The following CBX8 variants were observed in gnomAD, a reference collection of about 807,000 sequenced individuals.
CBX8 encodes the protein chromobox protein homolog 8.
A neutral mutation model predicts 39.7 loss-of-function variants in CBX8; 8 were observed. That is an observed-to-expected ratio of 0.20 (90% CI 0.12 to 0.36). The LOEUF (loss-of-function observed/expected upper bound fraction) is 0.36. CBX8 is among the 10% of genes least tolerant of loss of function. The pLI, the probability that CBX8 is intolerant of heterozygous loss-of-function variation, is 1.00. For synonymous variants in CBX8, 268 were observed against 219.8 expected, an observed-to-expected ratio of 1.22 and a Z score of -1.94; for missense variants, 505 against 529.6, an observed-to-expected ratio of 0.95 and a Z score of 0.46.
Position 79,796,960 on chromosome 17 carries a change from G to A in CBX8, c.39C>T (p.Ala13=), listed in dbSNP as rs1250467249. The A allele has an allele frequency of 2.5e-6, 4 of 1,610,940 alleles. No homozygotes were observed. Among genetic ancestry groups the A allele is most frequent in the Non-Finnish European group, 3.4e-6 (4 of 1,179,046 alleles). Residue 13 remains alanine (A), a synonymous_variant, in exon 1 of 5, where the codon GCC becomes GCT. Transcript: ENST00000269385. ...GTATGCGCCGCTTCAGGAGGGCTTCGGCCGCGAACACCCGCTCCCCCACCG... is the reference window on the plus strand; with the variant it reads ...GTATGCGCCGCTTCAGGAGGGCTTCAGCCGCGAACACCCGCTCCCCCACCG... ...LSAVGERVFA[A]EALLKRRIRK...
intron 1 of CBX8, 67 bp downstream of exon 1, chr17:79,796,863 G>C: frequency 1.4e-6 from 2 of 1,448,076 alleles, no homozygotes; most frequent in South Asian, 1.2e-5. Flanking sequence ...CTGCAGCAGG[G>C]GGAGGGAACC....
rs1197801603 is a variant in CBX8 at position 79,795,444 on chromosome 17, G to A, written c.361C>T (p.Arg121Trp). ...PQDLASTSRA[R>W]EGLRNMGLSP... is the part of the protein sequence containing the mutation. ...AAACCCATGTTTCGAAGGCCCTCCC[G>A]GGCCCGGGAAGTGGAGGCCAGGTCC... Residue 121 changes from arginine (R) to tryptophan (W), a missense_variant, in exon 5 of 5, where the codon CGG (arginine) becomes TGG (tryptophan). This residue lies in a region of CBX8 where 456 missense variants were observed against 389.2 expected (regional missense o/e 1.17). Coordinates refer to ENST00000269385, the MANE Select transcript of CBX8 (RefSeq NM_020649.3). The surrounding 1 kb of genome is among the most constrained non-coding windows in gnomAD (Gnocchi z 5.8). The A allele has an allele frequency of 5.6e-6, 9 of 1,606,046 alleles. No homozygotes were observed. The highest frequency in any genetic ancestry group is 2.2e-5 in the East Asian group (1 of 44,720).
At position 79,794,392 on chromosome 17, in the gene CBX8, A is replaced by C; in HGVS notation, c.*243T>G. ...ATAAAACAACTTCGAGTTGAAATAT[A>C]TATATTTAGATATTTTTCTTAAATA... On this transcript the variant is annotated 3_prime_UTR_variant, in exon 5 of 5. Transcript: ENST00000269385. 4.0e-6 allele frequency: 1 copy of C among 252,498 alleles called. No homozygotes were observed. The highest frequency in any genetic ancestry group is 7.5e-6 in the Non-Finnish European group (1 of 133,544). The allele number at this position is 252,498 out of a possible 1,614,324, so 15.6% of individuals were successfully genotyped here.
rs1262469145 is a variant in CBX8, at chr17:79,796,547, G to A, written c.70-7C>T. ...CGAGGTATTCCATGCGTCCCTGCGG[G>A]TGCAAAGGCGATAATGTGTGTGCAT... On this transcript the variant is annotated splice_polypyrimidine_tract_variant and splice_region_variant and intron_variant, in intron 1 of 4. Transcript: ENST00000269385. The A allele has an allele frequency of 5.0e-6, 8 of 1,613,984 alleles. No individual in the cohort carries two copies. The highest frequency in any genetic ancestry group is 1.3e-5 in the African/African-American group (1 of 74,900).
Position 79,795,233 on chromosome 17 carries a change from G to A in CBX8, c.572C>T (p.Ser191Leu), listed in dbSNP as rs1246808506. The A allele has an allele frequency of 1.2e-6, 2 of 1,612,748 alleles. No homozygotes were observed. Among genetic ancestry groups the A allele is most frequent in the African/African-American group, 1.3e-5 (1 of 74,930 alleles). ...GTSRVDDKPS[S>L]PGDSSKKRGP... ...TCGCTTCTTCGAGCTGTCCCCCGGTGAGCTGGGCTTGTCATCCACTCTGCT... is the reference window on the plus strand; with the variant it reads ...TCGCTTCTTCGAGCTGTCCCCCGGTAAGCTGGGCTTGTCATCCACTCTGCT... Residue 191 changes from serine (S) to leucine (L), a missense_variant, in exon 5 of 5, where the codon TCA becomes TTA. Ser to Leu is a moderately radical substitution (Grantham distance 145). This residue lies in a region of CBX8 where 456 missense variants were observed against 389.2 expected (regional missense o/e 1.17). Coordinates refer to ENST00000269385, the MANE Select transcript of CBX8 (RefSeq NM_020649.3). This position sits in a 1 kb window ranked among gnomAD's most constrained non-coding sequence, Gnocchi z 5.8.
chr17:79,795,340 A>G lies in CBX8; in HGVS notation c.465T>C (p.Asp155=), dbSNP rs1230412086. ...TTTCTCGATCCCGCTCCCGGTCCCT[A>G]TCCCGGTCTCGGTCCCGGTCCCGAG... The part of the protein sequence containing the change: ...EAPRDRDRDR[D]RDRERDRERE... The change falls in exon 5 of 5, where the codon GAT becomes GAC. Residue 155 remains aspartate (D), a synonymous_variant. Transcript: ENST00000269385. The surrounding 1 kb of genome is among the most constrained non-coding windows in gnomAD (Gnocchi z 5.8). 1.9e-6 allele frequency: 3 copies of G among 1,586,768 alleles called. No individual in the cohort carries two copies. Among genetic ancestry groups the G allele is most frequent in the African/African-American group, 2.7e-5 (2 of 74,386 alleles).
chr17:79,795,257 C>T lies in CBX8; in HGVS notation c.548G>A (p.Ser183Asn). 2 of 1,611,852 alleles carry T rather than the reference C, an allele frequency of 1.2e-6. No individual in the cohort carries two copies. The highest frequency in any genetic ancestry group is 1.7e-6 in the Non-Finnish European group (2 of 1,179,188). Reference sequence around the variant, plus strand: ...TGAGCTGGGCTTGTCATCCACTCTGCTGGTACCCCGCTCTCGTTCCCTCTC... The same window carrying T: ...TGAGCTGGGCTTGTCATCCACTCTGTTGGTACCCCGCTCTCGTTCCCTCTC... ...ERERERERGT[S>N]RVDDKPSSPG... Residue 183 changes from serine (S) to asparagine (N), a missense_variant, in exon 5 of 5, where the codon AGC becomes AAC. Transcript: ENST00000269385. The surrounding 1 kb of genome is among the most constrained non-coding windows in gnomAD (Gnocchi z 5.8).
intron 1 of CBX8, 92 bp downstream of exon 1, chr17:79,796,838 G>A (rs1908113838): frequency 1.6e-6 from 2 of 1,260,026 alleles, no homozygotes; most frequent in Non-Finnish European, 1.1e-6. Flanking sequence ...GGGACCTGGG[G>A]GAAGGGAAGC....
chr17:79,792,895 C>T lies in CBX8; in HGVS notation c.*1740G>A, dbSNP rs1907928193. On this transcript the variant is annotated 3_prime_UTR_variant, in exon 5 of 5. Coordinates refer to ENST00000269385, the MANE Select transcript of CBX8 (RefSeq NM_020649.3). ...CCAGCACCCCCCACCCCACGCGAAG[C>T]TCCCCCACCCCCGACTCCCCGCCTC... 1 of 141,066 alleles carries T rather than the reference C, an allele frequency of 7.1e-6. No individual in the cohort carries two copies. The highest frequency in any genetic ancestry group is 2.6e-5 in the African/African-American group (1 of 38,256). 8.7% of individuals were successfully genotyped at this position (141,066 alleles called of 1,614,324 possible).
chr17:79,796,870 A>AACCCGGGCCGGGAGGGGAGGGC lies in CBX8; in HGVS notation c.69+38_69+59dup, dbSNP rs1908115983. 5.4e-6 allele frequency: 8 copies of AACCCGGGCCGGGAGGGGAGGGC among 1,485,178 alleles called. No homozygotes were observed. The South Asian group carries it at 8.3e-5, about 15-fold the overall frequency. The allele number at this position is 1,485,178 out of a possible 1,614,324, so 92.0% of individuals were successfully genotyped here. A position where few individuals can be genotyped will look rare whatever the true frequency, so the allele number is the denominator to read the frequency against. ...AAGCTGGGCTGCAGCAGGGGGAGGGAACCCGGGCCGGGAGGGGAGGGCCCG... is the reference window on the plus strand; with the variant it reads ...AAGCTGGGCTGCAGCAGGGGGAGGGAACCCGGGCCGGGAGGGGAGGGCACCCGGGCCGGGAGGGGAGGGCCCG... On this transcript the variant is annotated intron_variant, in intron 1 of 4. Transcript: ENST00000269385.
rs1907992158 is a variant in CBX8, at chr17:79,794,499, G to A, written c.*136C>T. On this transcript the variant is annotated 3_prime_UTR_variant, in exon 5 of 5. Coordinates refer to ENST00000269385, the MANE Select transcript of CBX8 (RefSeq NM_020649.3). ...TGAGGGGGAGGAAGGAGGGATGAAA[G>A]GGGCTGGTGGGGTGGGGGTGACATC... The A allele has an allele frequency of 3.6e-6, 2 of 554,622 alleles. No individual in the cohort carries two copies. Among genetic ancestry groups the A allele is most frequent in the Non-Finnish European group, 6.3e-6 (2 of 315,838 alleles). 34.4% of individuals were successfully genotyped at this position (554,622 alleles called of 1,614,324 possible). A position where few individuals can be genotyped will look rare whatever the true frequency, so the allele number is the denominator to read the frequency against.
At position 79,793,369 on chromosome 17, in the gene CBX8, T is replaced by C. The variant is rs1424819392; in HGVS notation, c.*1266A>G. The C allele has an allele frequency of 6.6e-6, 1 of 152,174 alleles. No individual in the cohort carries two copies. Among genetic ancestry groups the C allele is most frequent in the Admixed American group, 6.5e-5 (1 of 15,276 alleles). 9.4% of individuals were successfully genotyped at this position (152,174 alleles called of 1,614,324 possible). A position where few individuals can be genotyped will look rare whatever the true frequency, so the allele number is the denominator to read the frequency against. On this transcript the variant is annotated 3_prime_UTR_variant, in exon 5 of 5. Coordinates refer to ENST00000269385, the MANE Select transcript of CBX8 (RefSeq NM_020649.3). ...AAAGCAAAAGTTCCGATGCGCATTC[T>C]TGGATGAAAACCCCGCCTCGCCCCT...
Position 79,795,551 on chromosome 17 carries a change from G to A in CBX8, c.254C>T (p.Ala85Val), listed in dbSNP as rs1317405799. The A allele has an allele frequency of 1.3e-6, 2 of 1,517,830 alleles. No individual in the cohort carries two copies. Among genetic ancestry groups the A allele is most frequent in the East Asian group, 2.3e-5 (1 of 43,812 alleles). The allele number at this position is 1,517,830 out of a possible 1,614,324, so 94.0% of individuals were successfully genotyped here. ...KPKTFLLKAQ[A>V]KAKAKTYEFR... is the part of the protein sequence containing the mutation. ...CTCGTAAGTTTTGGCCTTTGCCTTG[G>A]CCTGCGCCTGCAGGAGAGAAGATGG... Residue 85 changes from alanine (A) to valine (V), a missense_variant, in exon 5 of 5, where the codon GCC (alanine) becomes GTC (valine). Coordinates refer to ENST00000269385, the MANE Select transcript of CBX8 (RefSeq NM_020649.3). The surrounding 1 kb of genome is among the most constrained non-coding windows in gnomAD (Gnocchi z 5.8).
Position 79,795,070 on chromosome 17 carries a change from G to T in CBX8, c.735C>A (p.His245Gln). The change falls in exon 5 of 5, where the codon CAC becomes CAA. Residue 245 changes from histidine to glutamine, a missense_variant. By Grantham distance (24) the His-to-Gln change is conservative. Coordinates refer to ENST00000269385, the MANE Select transcript of CBX8 (RefSeq NM_020649.3). This position sits in a 1 kb window ranked among gnomAD's most constrained non-coding sequence, Gnocchi z 5.8. ...GTCTTCGGGCCAGCTGGATCACACT[G>T]TGGCCGGCTGGAAACTTTCCTGCCC... is the stretch of plus-strand genomic sequence containing the variant. ...PSGAGKFPAG[H>Q]SVIQLARRQD... 1 of 1,609,202 alleles carries T rather than the reference G, an allele frequency of 6.2e-7. No homozygotes were observed. The highest frequency in any genetic ancestry group is 8.5e-7 in the Non-Finnish European group (1 of 1,177,784).
rs989323366 is a variant in CBX8, at chr17:79,792,679, C to A, written c.*1956G>T. ...GCTTCTTTATACAAAGTCTAAAATA[C>A]CAGTTTTACAAATGTGAGTAGATAA... On this transcript the variant is annotated 3_prime_UTR_variant, in exon 5 of 5. Transcript: ENST00000269385. 1.3e-5 allele frequency: 2 copies of A among 152,230 alleles called. No homozygotes were observed. The highest frequency in any genetic ancestry group is 1.9e-4 in the East Asian group (1 of 5,206). The allele number at this position is 152,230 out of a possible 1,614,324, so 9.4% of individuals were successfully genotyped here.
Position 79,795,743 on chromosome 17 carries a change from T to C in CBX8, c.247-185A>G, listed in dbSNP as rs567160944. 8.7e-4 allele frequency among the ~76,000 whole-genome samples: 133 copies of C among 152,232 alleles called. No individual in the cohort carries two copies. The highest frequency in any genetic ancestry group is 3.4e-3 in the Middle Eastern group (1 of 294). ...GAATGGGTGGGATGGCTGTTGGAGC[T>C]GAGAGGTAGAAGGATGAGAGAAGAG... is the stretch of plus-strand genomic sequence containing the variant. On this transcript the variant is annotated intron_variant, in intron 4 of 4. Transcript: ENST00000269385. The surrounding 1 kb of genome is among the most constrained non-coding windows in gnomAD (Gnocchi z 5.8).
rs757105100 is a variant in CBX8 at position 79,795,370 on chromosome 17, C to T, written c.435G>A (p.Glu145=). ...GGTCTCGGTCCCGGTCCCGAGGGGCCTCTGCGCGGCAGGTGCTGCTGGTGC... is the reference window on the plus strand; with the variant it reads ...GGTCTCGGTCCCGGTCCCGAGGGGCTTCTGCGCGGCAGGTGCTGCTGGTGC... The part of the protein sequence containing the change: ...STSTSSTCRA[E]APRDRDRDRD... Residue 145 remains glutamate (E), a synonymous_variant, in exon 5 of 5, where the codon GAG becomes GAA. Transcript: ENST00000269385. The surrounding 1 kb of genome is among the most constrained non-coding windows in gnomAD (Gnocchi z 5.8). 22 of 1,597,162 alleles carry T rather than the reference C, an allele frequency of 1.4e-5. No homozygotes were observed. Among genetic ancestry groups the T allele is most frequent in the Non-Finnish European group, 1.7e-5 (20 of 1,172,552 alleles).
Position 79,796,928 on chromosome 17 carries a change from A to C in CBX8, c.69+2T>G. ...GGAGGCCCTAGGCCCGGGGGCACCT[A>C]CTTTCCGTATGCGCCGCTTCAGGAG... On this transcript the variant is annotated splice_donor_variant, in intron 1 of 4. Coordinates refer to ENST00000269385, the MANE Select transcript of CBX8 (RefSeq NM_020649.3). LOFTEE classifies it high-confidence loss of function. 6.2e-7 allele frequency: 1 copy of C among 1,606,576 alleles called. No individual in the cohort carries two copies.
chr17:79,797,065 A>G lies in CBX8; in HGVS notation c.-67T>C, dbSNP rs1908126876. The G allele has an allele frequency of 2.8e-6, 4 of 1,445,862 alleles. No individual in the cohort carries two copies. Among genetic ancestry groups the G allele is most frequent in the Non-Finnish European group, 3.8e-6 (4 of 1,063,260 alleles). The allele number at this position is 1,445,862 out of a possible 1,614,324, so 89.6% of individuals were successfully genotyped here. ...AAAAGCAGCAGCCAGCGCACGACAGACCATAATACTCTCCCGCTGACGTCA... is the reference window on the plus strand; with the variant it reads ...AAAAGCAGCAGCCAGCGCACGACAGGCCATAATACTCTCCCGCTGACGTCA... On this transcript the variant is annotated 5_prime_UTR_variant, in exon 1 of 5. Coordinates refer to ENST00000269385, the MANE Select transcript of CBX8 (RefSeq NM_020649.3).
Sources: allele counts gnomAD v4.1 joint callset (sites outside exome capture counted in the v4.1 genomes callset), GRCh38; gene constraint gnomAD v4.1.1; regional missense constraint gnomAD v4.1.1; non-coding constraint Gnocchi (gnomAD v3.1); transcripts MANE v1.5; gene names NCBI Gene and HGNC (gene_info 2026-07-23, HGNC 2026-07-21).